SNX29: variants seen among roughly 807,000 people sequenced by gnomAD.
SNX29 encodes sorting nexin-29.
In SNX29, 78 loss-of-function variants were observed where a neutral mutation model predicts 102.1. The observed-to-expected ratio is 0.76, with a 90% CI of 0.64 to 0.92. SNX29 has a LOEUF of 0.92. Among genes scored for constraint, SNX29 ranks in the 40% least tolerant of loss-of-function variants. The pLI is 0.00. For synonymous variants in SNX29, 580 were observed against 414.5 expected, an observed-to-expected ratio of 1.40 and a Z score of -4.85; for missense variants, 1,280 against 1,061.7, an observed-to-expected ratio of 1.21 and a Z score of -2.86.
At chr16:12,533,712 C>T (rs888593328) in intron 20 of SNX29, among the ~76,000 whole-genome samples, 1 of 152,162 alleles carries the variant, frequency 6.6e-6, no homozygotes. Context: ...TTGGCAAACT[C>T]AGGTGCCTGT....
At chr16:12,005,951 T>G (rs1427170560) in intron 3 of SNX29, among the ~76,000 whole-genome samples, 4 of 152,224 alleles carry the variant, frequency 2.6e-5, no homozygotes, top group African/African-American at 9.7e-5. Flanking sequence ...TAACCTTTGT[T>G]ATAGAAAATG....
At chr16:12,277,514 A>G (rs1019542992) in intron 14 of SNX29, among the ~76,000 whole-genome samples, 3 of 152,164 alleles carry the variant, frequency 2.0e-5, no homozygotes, top group African/African-American at 4.8e-5. Context: ...TGACAAGATT[A>G]TTTCTTGACT....
intron 15 of SNX29, among the ~76,000 whole-genome samples, chr16:12,335,627 G>C (rs568829562): frequency 6.6e-6 from 1 of 152,164 alleles, no homozygotes; most frequent in Non-Finnish European, 1.5e-5. Context: ...AGTGAGCTAC[G>C]ATGGTGCTGC....
At chr16:12,528,820 C>T (rs960118495) in intron 20 of SNX29, among the ~76,000 whole-genome samples, 3 of 152,202 alleles carry the variant, frequency 2.0e-5, no homozygotes, top group Non-Finnish European at 2.9e-5. Context: ...TGAACAGGGC[C>T]ACTGATCAGC....
intron 15 of SNX29, among the ~76,000 whole-genome samples, chr16:12,314,396 C>G (rs777741087): frequency 6.6e-6 from 1 of 152,224 alleles, no homozygotes. Flanking sequence ...GTGGTGGTTG[C>G]GAGTGGACTC....
Position 12,570,839 on chromosome 16 carries a change from G to GT in SNX29, c.*2211dup. The GT allele has an allele frequency of 4.3e-6, 1 of 232,288 alleles. No homozygotes were observed. Among genetic ancestry groups the GT allele is most frequent in the East Asian group, 6.1e-5 (1 of 16,462 alleles). The allele number at this position is 232,288 out of a possible 1,614,324, so 14.4% of individuals were successfully genotyped here. A position where few individuals can be genotyped will look rare whatever the true frequency, so the allele number is the denominator to read the frequency against. ...TGAGAAACAAGTATGCTCTCAGCTGGTATTGAACTGGTGGGAGAAACTGCC... is the reference window on the plus strand; with the variant it reads ...TGAGAAACAAGTATGCTCTCAGCTGGTTATTGAACTGGTGGGAGAAACTGCC... On this transcript the variant is annotated 3_prime_UTR_variant, in exon 21 of 21. Coordinates refer to ENST00000566228, the MANE Select transcript of SNX29 (RefSeq NM_032167.5).
intron 1 of SNX29, among the ~76,000 whole-genome samples, chr16:11,992,801 C>T (rs2055905033): frequency 6.6e-6 from 1 of 152,118 alleles, no homozygotes; most frequent in Admixed American, 6.6e-5. Context: ...AAGGATCTCA[C>T]CAGGGAAATG....
chr16:12,459,736 T>A (rs1395204434), intron 18 of SNX29, among the ~76,000 whole-genome samples: 1 of 152,144 alleles, frequency 6.6e-6, no homozygotes, highest in African/African-American at 2.4e-5. Context: ...CAGCTAACCT[T>A]GGACTTGGGT....
chr16:12,211,795 C>T (rs937099624), intron 14 of SNX29, among the ~76,000 whole-genome samples: 1 of 152,118 alleles, frequency 6.6e-6, no homozygotes, highest in Non-Finnish European at 1.5e-5. Flanking sequence ...CTTCTTAAAG[C>T]CTTCAGCTGA....
rs1427329576 is a variant in SNX29, at chr16:12,568,890, G to C, written c.*261G>C. The C allele has an allele frequency of 1.8e-5, 9 of 512,780 alleles. No homozygotes were observed. The highest frequency in any genetic ancestry group is 3.8e-5 in the Admixed American group (1 of 26,636). 31.8% of individuals were successfully genotyped at this position (512,780 alleles called of 1,614,324 possible). A position where few individuals can be genotyped will look rare whatever the true frequency, so the allele number is the denominator to read the frequency against. ...CCTTCTGCTTCTGGGGTCTACCCTG[G>C]GCTGCAAGGGCTGTTCCTCCACCTT... On this transcript the variant is annotated 3_prime_UTR_variant, in exon 21 of 21. Transcript: ENST00000566228.
intron 14 of SNX29, among the ~76,000 whole-genome samples, chr16:12,210,300 T>G (rs1428252920): frequency 6.7e-6 from 1 of 148,664 alleles, no homozygotes; most frequent in East Asian, 2.0e-4. Context: ...CGTTTTGCAC[T>G]CAAGGGACTC....
chr16:12,014,852 G>T (rs895156747), intron 3 of SNX29, among the ~76,000 whole-genome samples: 6 of 151,264 alleles, frequency 4.0e-5, no homozygotes, highest in African/African-American at 7.3e-5. Flanking sequence ...TTGATTATTT[G>T]TATGTACCTT....
chr16:12,560,477 C>T (rs553892489), intron 20 of SNX29, among the ~76,000 whole-genome samples: 5 of 152,196 alleles, frequency 3.3e-5, no homozygotes, highest in African/African-American at 4.8e-5. Flanking sequence ...GGGAGTCACA[C>T]TTACCTCCTG....
chr16:12,024,880 T>C (rs962735857), intron 3 of SNX29, among the ~76,000 whole-genome samples: 5 of 152,228 alleles, frequency 3.3e-5, no homozygotes, highest in Admixed American at 1.3e-4. Context: ...TTTTTGTTTT[T>C]GTTTTTGTTT....
At chr16:12,467,341 G>A (rs2087101679) in intron 18 of SNX29, among the ~76,000 whole-genome samples, 1 of 152,146 alleles carries the variant, frequency 6.6e-6, no homozygotes, top group Non-Finnish European at 1.5e-5. Context: ...AATGGCTATC[G>A]CTCACTAGGG....
At chr16:12,205,097 T>A (rs1416993734) in intron 14 of SNX29, among the ~76,000 whole-genome samples, 1 of 152,192 alleles carries the variant, frequency 6.6e-6, no homozygotes, top group Non-Finnish European at 1.5e-5. Context: ...GCTGATTCAG[T>A]GAAGATGGAG....
intron 19 of SNX29, among the ~76,000 whole-genome samples, chr16:12,500,817 G>T (rs942797479): frequency 6.6e-6 from 1 of 152,196 alleles, no homozygotes; most frequent in Non-Finnish European, 1.5e-5. Flanking sequence ...AAGCACTGTT[G>T]TGTGTCATTT....
intron 15 of SNX29, among the ~76,000 whole-genome samples, chr16:12,311,762 G>T: frequency 6.6e-6 from 1 of 152,238 alleles, no homozygotes. Flanking sequence ...GGCCATCTCT[G>T]TACATCTCTG....
chr16:12,312,295 C>G (rs376363319), intron 15 of SNX29, among the ~76,000 whole-genome samples: 4 of 152,204 alleles, frequency 2.6e-5, no homozygotes, highest in African/African-American at 9.6e-5. Flanking sequence ...GTCGTTTAGT[C>G]AGGGCTTGCT....
Sources: allele counts gnomAD v4.1 joint callset (sites outside exome capture counted in the v4.1 genomes callset), GRCh38; gene constraint gnomAD v4.1.1; transcripts MANE v1.5; gene names NCBI Gene and HGNC (gene_info 2026-07-23, HGNC 2026-07-21).